The following CFAP210 variants were observed in gnomAD, a reference collection of about 807,000 sequenced individuals.
CFAP210 encodes cilia and flagella associated protein 210.
the CFAP210 span, among the ~76,000 whole-genome samples, chr2:169,659,534 C>T: frequency 6.6e-6 from 1 of 152,178 alleles, no homozygotes; most frequent in East Asian, 1.9e-4. Flanking sequence ...AATTCACTCA[C>T]AAGACAGCAC....
At chr2:169,651,875 CTT>C in the CFAP210 span, among the ~76,000 whole-genome samples, 68,006 of 143,840 alleles carry the variant, frequency 0.47, 16,200 homozygotes, top group African/African-American at 0.6. Context: ...TATAAGGTTC[CTT>C]TTTTTTTTTT....
chr2:169,666,015 C>A, the CFAP210 span, among the ~76,000 whole-genome samples: 6 of 152,212 alleles, frequency 3.9e-5, no homozygotes, highest in Middle Eastern at 3.4e-3. Flanking sequence ...TAGGCATGAG[C>A]CACCATGCCC....
chr2:169,645,882 T>C, the CFAP210 span: 1 of 1,612,982 alleles, frequency 6.2e-7, no homozygotes, highest in South Asian at 1.1e-5. Context: ...TTTTGAAAAT[T>C]ATATTTTGGT....
At chr2:169,661,224 T>A in the CFAP210 span, 12 of 571,062 alleles carry the variant, frequency 2.1e-5, no homozygotes, top group African/African-American at 1.7e-4. Flanking sequence ...GCTGCTGGAT[T>A]ACCTCTTGTA....
At chr2:169,667,231 C>CG in the CFAP210 span, among the ~76,000 whole-genome samples, 1 of 151,244 alleles carries the variant, frequency 6.6e-6, no homozygotes, top group Non-Finnish European at 1.5e-5. Flanking sequence ...CTCTGCCCCC[C>CG]GGGTTCAAGA....
the CFAP210 span, among the ~76,000 whole-genome samples, chr2:169,674,034 T>C: frequency 2.0e-5 from 3 of 152,184 alleles, no homozygotes; most frequent in Admixed American, 6.5e-5. Flanking sequence ...TCCATTATTG[T>C]TGTTGGGGTT....
At chr2:169,688,320 G>C in the CFAP210 span, among the ~76,000 whole-genome samples, 9 of 152,310 alleles carry the variant, frequency 5.9e-5, no homozygotes, top group Admixed American at 5.2e-4. Flanking sequence ...CTATTGCATA[G>C]TCAGGCTACA....
chr2:169,663,095 C>T, the CFAP210 span, among the ~76,000 whole-genome samples: 1 of 152,204 alleles, frequency 6.6e-6, no homozygotes, highest in Non-Finnish European at 1.5e-5. Context: ...AGCTCCCACA[C>T]TAAGCAGTTG....
At chr2:169,674,709 T>C in the CFAP210 span, 1 of 1,607,976 alleles carries the variant, frequency 6.2e-7, no homozygotes, top group African/African-American at 1.3e-5. Flanking sequence ...TTTATCTTAC[T>C]CTTTCGGAAT....
chr2:169,653,476 T>C, the CFAP210 span, among the ~76,000 whole-genome samples: 7 of 152,044 alleles, frequency 4.6e-5, no homozygotes, highest in African/African-American at 1.7e-4. Context: ...GGGGAAAGCA[T>C]GATTTAGACA....
At chr2:169,652,432 T>TAACA in the CFAP210 span, among the ~76,000 whole-genome samples, 6 of 152,168 alleles carry the variant, frequency 3.9e-5, no homozygotes, top group Admixed American at 6.5e-5. Flanking sequence ...GGGACAGACA[T>TAACA]AACAGTGAAC....
the CFAP210 span, among the ~76,000 whole-genome samples, chr2:169,654,746 C>T: frequency 6.6e-6 from 1 of 151,540 alleles, no homozygotes; most frequent in Non-Finnish European, 1.5e-5. Flanking sequence ...TTAAAGTATA[C>T]AATTTAAAAT....
At chr2:169,694,178 C>A in the CFAP210 span, 3 of 1,326,494 alleles carry the variant, frequency 2.3e-6, no homozygotes, top group African/African-American at 4.3e-5. Flanking sequence ...GCAACTGAAG[C>A]CCTCATTCGG....
chr2:169,650,474 A>C, the CFAP210 span: 1 of 1,597,782 alleles, frequency 6.3e-7, no homozygotes. Flanking sequence ...CTCTTTCAAC[A>C]GTTCACTCAG....
the CFAP210 span, among the ~76,000 whole-genome samples, chr2:169,652,927 G>A: frequency 7.0e-6 from 1 of 142,514 alleles, no homozygotes; most frequent in Non-Finnish European, 1.5e-5. Flanking sequence ...GTGAACCCGG[G>A]AGGTGGAGCT....
the CFAP210 span, among the ~76,000 whole-genome samples, chr2:169,654,490 C>T: frequency 6.6e-6 from 1 of 152,154 alleles, no homozygotes; most frequent in Admixed American, 6.6e-5. Context: ...ATAAATCATA[C>T]TCTCAATTAC....
the CFAP210 span, among the ~76,000 whole-genome samples, chr2:169,690,483 C>T: frequency 2.0e-5 from 3 of 151,874 alleles, no homozygotes; most frequent in East Asian, 1.9e-4. Context: ...GCCAACATGG[C>T]GAAACCCCAT....
chr2:169,681,087 G>A, the CFAP210 span: 1 of 1,613,836 alleles, frequency 6.2e-7, no homozygotes, highest in Non-Finnish European at 8.5e-7. Context: ...TCTGCACGGA[G>A]GCATGCTGCT....
At chr2:169,675,516 C>T in the CFAP210 span, among the ~76,000 whole-genome samples, 1 of 152,122 alleles carries the variant, frequency 6.6e-6, no homozygotes, top group Non-Finnish European at 1.5e-5. Context: ...GTGGTACACA[C>T]TTTTAAATGA....
Sources: allele counts gnomAD v4.1 joint callset (sites outside exome capture counted in the v4.1 genomes callset), GRCh38; gene constraint gnomAD v4.1.1; transcripts MANE v1.5; gene names NCBI Gene and HGNC (gene_info 2026-07-23, HGNC 2026-07-21).